ERCC6: variants seen among roughly 807,000 people sequenced by gnomAD.
ERCC6 encodes DNA excision repair protein ERCC-6.
In ERCC6, 116 loss-of-function variants were observed where a neutral mutation model predicts 158.7. The ratio of observed to expected loss-of-function variants is 0.73; its 90% CI spans 0.63 to 0.85. The LOEUF (loss-of-function observed/expected upper bound fraction) is 0.85. ERCC6 is among the 40% of genes least tolerant of loss of function. The probability of loss-of-function intolerance (pLI) is 0.00; values close to 1 mark genes in which losing one functional copy is unlikely to be tolerated. For synonymous variants in ERCC6, 678 were observed against 659.3 expected (o/e 1.03, Z -0.43); for missense variants, 1,698 against 1,799.4 (o/e 0.94, Z 1.02).
chr10:49,506,076 C>T (rs2132582390), intron 5 of ERCC6, 64 bp from the exon 6 acceptor site: 1 of 1,593,908 alleles, frequency 6.3e-7, no homozygotes, highest in Non-Finnish European at 8.6e-7. Flanking sequence ...AAAAAGATAG[C>T]TCCTGATAAT....
chr10:49,473,383 T>C (rs1417513435), intron 14 of ERCC6, 94 bp downstream of exon 14: 2 of 899,932 alleles, frequency 2.2e-6, no homozygotes, highest in Non-Finnish European at 3.8e-6. Flanking sequence ...CAGATGTCAA[T>C]GCTGCTTTGG....
intron 20 of ERCC6, chr10:49,460,163 A>G: frequency 4.9e-6 from 3 of 614,588 alleles, no homozygotes; most frequent in East Asian, 5.6e-5. Context: ...GCTGCTACGG[A>G]TCTTGGGTTA....
At chr10:49,453,568 A>G (rs1850444343), downstream of ERCC6, among the ~76,000 whole-genome samples, 1 of 152,168 alleles carries the variant, frequency 6.6e-6, no homozygotes, top group Non-Finnish European at 1.5e-5. Flanking sequence ...GAGGAGAAAA[A>G]TATGCATTTA....
chr10:49,538,263 G>A (rs529699821), intron 1 of ERCC6, among the ~76,000 whole-genome samples: 4 of 152,340 alleles, frequency 2.6e-5, no homozygotes, highest in South Asian at 2.1e-4. Context: ...TCTGAGAGGG[G>A]ACAGGCAAGG....
intron 5 of ERCC6, chr10:49,516,867 T>G: frequency 6.2e-7 from 1 of 1,614,158 alleles, no homozygotes; most frequent in Non-Finnish European, 8.5e-7. Context: ...AGAGTCATCT[T>G]TAGGTGCGTA....
the ERCC6 span, among the ~76,000 whole-genome samples, chr10:49,440,262 A>G: frequency 5.3e-5 from 8 of 152,194 alleles, no homozygotes; most frequent in Admixed American, 4.6e-4. Context: ...TCATGGCAGG[A>G]GGTGAAAGGC....
chr10:49,442,104 T>C, the ERCC6 span, among the ~76,000 whole-genome samples: 1 of 152,160 alleles, frequency 6.6e-6, no homozygotes, highest in Non-Finnish European at 1.5e-5. Flanking sequence ...AAAACCAAGC[T>C]GAATCGCCAG....
Position 49,493,264 on chromosome 10 carries a change from C to T in ERCC6, c.1686-12G>A, listed in dbSNP as rs774930802. 11 of 1,613,782 alleles carry T rather than the reference C, an allele frequency of 6.8e-6. No individual in the cohort carries two copies. Among genetic ancestry groups the T allele is most frequent in the African/African-American group, 2.7e-5 (2 of 74,878 alleles). On this transcript the variant is annotated splice_polypyrimidine_tract_variant and intron_variant, in intron 7 of 20. Transcript: ENST00000355832. Reference sequence around the variant, plus strand: ...CCAACCCCTCAAACCTGCATCCAAACGTCCAAGAAGAAAACAACCATGAAA... The same window carrying T: ...CCAACCCCTCAAACCTGCATCCAAATGTCCAAGAAGAAAACAACCATGAAA...
intron 1 of ERCC6, among the ~76,000 whole-genome samples, chr10:49,536,016 T>G (rs1837588084): frequency 6.6e-6 from 1 of 152,214 alleles, no homozygotes; most frequent in Non-Finnish European, 1.5e-5. Context: ...CTCGGGAGGC[T>G]GAGGCACGAG....
chr10:49,532,947 G>C lies in ERCC6; in HGVS notation c.18C>G (p.Ile6Met). Residue 6 changes from isoleucine to methionine, a missense_variant, in exon 2 of 21, where the codon ATC becomes ATG. By Grantham distance (10) the Ile-to-Met change is conservative. Coordinates refer to ENST00000355832, the MANE Select transcript of ERCC6 (RefSeq NM_000124.4). ...GCTCCTGAGTTTGACTTGAGTGGGGGATTCCCTCATTTGGCATTCTCTACA... is the reference window on the plus strand; with the variant it reads ...GCTCCTGAGTTTGACTTGAGTGGGGCATTCCCTCATTTGGCATTCTCTACA... MPNEG[I>M]PHSSQTQEQD... 1 of 1,614,194 alleles carries C rather than the reference G, an allele frequency of 6.2e-7. No individual in the cohort carries two copies. Among genetic ancestry groups the C allele is most frequent in the Non-Finnish European group, 8.5e-7 (1 of 1,180,048 alleles).
chr10:49,512,874 T>TA (rs903512029), intron 5 of ERCC6, among the ~76,000 whole-genome samples: 2 of 152,252 alleles, frequency 1.3e-5, no homozygotes, highest in African/African-American at 4.8e-5. Flanking sequence ...ATCACGTTGC[T>TA]AAAAAATTTT....
Position 49,458,655 on chromosome 10 carries a change from A to C in ERCC6, c.*160T>G, listed in dbSNP as rs918694043. On this transcript the variant is annotated 3_prime_UTR_variant, in exon 21 of 21. Coordinates refer to ENST00000355832, the MANE Select transcript of ERCC6 (RefSeq NM_000124.4). Reference sequence around the variant, plus strand: ...TTAAAACTTTTAACTTTCAGAGAAGAGTTTCTTCTTCCTTAAAGTTTTAAT... The same window carrying C: ...TTAAAACTTTTAACTTTCAGAGAAGCGTTTCTTCTTCCTTAAAGTTTTAAT... 5 of 697,004 alleles carry C rather than the reference A, an allele frequency of 7.2e-6. No individual in the cohort carries two copies. The highest frequency in any genetic ancestry group is 9.6e-6 in the Non-Finnish European group (4 of 417,290). The allele number at this position is 697,004 out of a possible 1,614,324, so 43.2% of individuals were successfully genotyped here. A position where few individuals can be genotyped will look rare whatever the true frequency, so the allele number is the denominator to read the frequency against.
chr10:49,470,923 T>C, intron 17 of ERCC6, 34 bp from the exon 18 acceptor site: 1 of 1,613,638 alleles, frequency 6.2e-7, no homozygotes, highest in Non-Finnish European at 8.5e-7. Flanking sequence ...AATACTATAT[T>C]GTATCATCTT....
chr10:49,516,784 G>A, intron 5 of ERCC6: 1 of 1,614,134 alleles, frequency 6.2e-7, no homozygotes, highest in Non-Finnish European at 8.5e-7. Flanking sequence ...CATTTGCAAA[G>A]AATTTTTGTC....
chr10:49,461,237 T>G (rs1439986226), intron 19 of ERCC6, 115 bp downstream of exon 19: 1 of 1,106,404 alleles, frequency 9.0e-7, no homozygotes, highest in East Asian at 2.5e-5. Flanking sequence ...AATCCCTCCC[T>G]GGGGATTTAT....
Position 49,471,824 on chromosome 10 carries a change from G to A in ERCC6, c.2924+552C>T, listed in dbSNP as rs552136095. 3.3e-5 allele frequency among the ~76,000 whole-genome samples: 5 copies of A among 152,316 alleles called. No individual in the cohort carries two copies. The East Asian group carries it at 9.6e-4, about 29-fold the overall frequency. On this transcript the variant is annotated intron_variant, in intron 16 of 20. Transcript: ENST00000355832. ...AGCTGGGCTATGGCTCAAGGATAAA[G>A]TCTGTGGTGGGGGAGTGGGAGAAGC... is the stretch of plus-strand genomic sequence containing the variant.
chr10:49,461,913 C>T (rs1850590327), intron 18 of ERCC6, among the ~76,000 whole-genome samples: 1 of 152,164 alleles, frequency 6.6e-6, no homozygotes, highest in Non-Finnish European at 1.5e-5. Context: ...GATAGACTAT[C>T]AGACTTAAAC....
At chr10:49,451,726 T>C (rs1416632187), downstream of ERCC6, among the ~76,000 whole-genome samples, 1 of 152,220 alleles carries the variant, frequency 6.6e-6, no homozygotes, top group Non-Finnish European at 1.5e-5. Context: ...TGCAGTTTTC[T>C]TGTAATATCT....
Position 49,524,192 on chromosome 10 carries a change from C to T in ERCC6, c.1238G>A (p.Arg413Gln), listed in dbSNP as rs376040533. Reference protein sequence around the residue: ...ELKPLPKGGKRQKKVPVQEID... With the variant: ...ELKPLPKGGKQQKKVPVQEID... ...CTCCTGCACTGGCACTTTCTTCTGC[C>T]GTTTCCCGCCCTTGGGCAGAGGCTT... The change falls in exon 5 of 21, where the codon CGG (arginine) becomes CAG (glutamine). Residue 413 changes from arginine (R) to glutamine (Q), a missense_variant. Physicochemically the swap from Arg to Gln is conservative, Grantham distance 43 (BLOSUM62 1). Transcript: ENST00000355832. The T allele has an allele frequency of 5.6e-6, 9 of 1,614,120 alleles. No homozygotes were observed. The highest frequency in any genetic ancestry group is 3.3e-5 in the Admixed American group (2 of 60,016).
Sources: gnomAD v4.1 joint callset for allele counts (sites outside exome capture counted in the v4.1 genomes callset) on GRCh38, gnomAD v4.1.1 for gene constraint, MANE v1.5 for transcripts, NCBI Gene and HGNC (gene_info 2026-07-23, HGNC 2026-07-21) for gene names.